GALNT13: variants seen among roughly 807,000 people sequenced by gnomAD.
GALNT13 encodes UDP-GalNAc:polypeptide N-acetylgalactosaminyltransferase 13.
A neutral mutation model predicts 64.2 loss-of-function variants in GALNT13; 28 were observed. That is an observed-to-expected ratio of 0.44 (90% CI 0.32 to 0.60). The LOEUF is 0.60. Ranked by LOEUF, GALNT13 falls within the 20% of genes least tolerant of loss-of-function variation. The pLI, the probability that GALNT13 is intolerant of heterozygous loss-of-function variation, is 0.05. For synonymous variants in GALNT13, 214 were observed against 224.6 expected (o/e 0.95, Z 0.42); for missense variants, 577 against 669.8 (o/e 0.86, Z 1.53).
chr2:153,557,613 C>T, the GALNT13 span, among the ~76,000 whole-genome samples: 3 of 152,172 alleles, frequency 2.0e-5, no homozygotes, highest in African/African-American at 7.2e-5. Flanking sequence ...ATCTATTCAG[C>T]CTTCCCTACA....
chr2:153,266,816 C>A, the GALNT13 span, among the ~76,000 whole-genome samples: 7 of 152,316 alleles, frequency 4.6e-5, no homozygotes, highest in Admixed American at 4.6e-4. Context: ...AATCTCACAT[C>A]ATTTTTATGT....
At chr2:153,968,039 C>G (rs1248389301) in intron 3 of GALNT13, among the ~76,000 whole-genome samples, 1 of 152,048 alleles carries the variant, frequency 6.6e-6, no homozygotes. Flanking sequence ...GCTGCACAGC[C>G]TACTCTTAGG....
the GALNT13 span, among the ~76,000 whole-genome samples, chr2:153,445,013 CA>C: frequency 1.3e-5 from 2 of 152,068 alleles, no homozygotes; most frequent in East Asian, 3.9e-4. Flanking sequence ...TTTACATTTC[CA>C]CCAGAAGTGA....
At chr2:153,224,920 ATCCATATTATTT>A in the GALNT13 span, among the ~76,000 whole-genome samples, 1 of 152,246 alleles carries the variant, frequency 6.6e-6, no homozygotes, top group African/African-American at 2.4e-5. Flanking sequence ...AACATCAGTG[ATCCATATTATTT>A]TCCAGTAAGT....
chr2:154,182,036 C>A, intron 4 of GALNT13, among the ~76,000 whole-genome samples: 1 of 152,014 alleles, frequency 6.6e-6, no homozygotes, highest in East Asian at 1.9e-4. Flanking sequence ...TTAGGGAATT[C>A]TTACCGAATA....
intron 7 of GALNT13, among the ~76,000 whole-genome samples, chr2:154,253,438 A>G (rs930130636): frequency 6.6e-6 from 1 of 152,174 alleles, no homozygotes; most frequent in African/African-American, 2.4e-5. Flanking sequence ...TCCATGTCAA[A>G]TGCATACTTT....
chr2:153,754,379 A>G, the GALNT13 span, among the ~76,000 whole-genome samples: 1 of 152,132 alleles, frequency 6.6e-6, no homozygotes, highest in Non-Finnish European at 1.5e-5. Flanking sequence ...TTCAGAGCCC[A>G]AGGGCTCTTC....
chr2:154,372,524 ACAAT>A (rs1010949336), intron 9 of GALNT13, among the ~76,000 whole-genome samples: 3 of 152,248 alleles, frequency 2.0e-5, no homozygotes, highest in African/African-American at 4.8e-5. Context: ...ATAAAATTTA[ACAAT>A]CAACGACAGG....
intron 3 of GALNT13, among the ~76,000 whole-genome samples, chr2:153,976,262 C>T (rs901064840): frequency 2.0e-5 from 3 of 151,942 alleles, no homozygotes; most frequent in African/African-American, 7.3e-5. Flanking sequence ...AATAATCAAT[C>T]AATTAATTAA....
chr2:153,194,978 T>C, the GALNT13 span, among the ~76,000 whole-genome samples: 1 of 152,096 alleles, frequency 6.6e-6, no homozygotes, highest in Non-Finnish European at 1.5e-5. Flanking sequence ...GCAGTCTGAG[T>C]GTCTTTATAT....
chr2:153,280,111 T>C, the GALNT13 span, among the ~76,000 whole-genome samples: 1 of 152,222 alleles, frequency 6.6e-6, no homozygotes, highest in East Asian at 1.9e-4. Flanking sequence ...TGTGTGTTTC[T>C]AGGAATGTAT....
the GALNT13 span, among the ~76,000 whole-genome samples, chr2:153,734,066 T>G: frequency 1.3e-5 from 2 of 152,230 alleles, no homozygotes; most frequent in African/African-American, 4.8e-5. Flanking sequence ...ATTGGTGAAA[T>G]CATCATGTCA....
chr2:153,901,862 A>G (rs1020548410), intron 2 of GALNT13, among the ~76,000 whole-genome samples: 1 of 152,114 alleles, frequency 6.6e-6, no homozygotes, highest in Non-Finnish European at 1.5e-5. Context: ...TTACTCTTCT[A>G]TTATACTTTT....
At chr2:153,380,579 G>T in the GALNT13 span, among the ~76,000 whole-genome samples, 6 of 151,910 alleles carry the variant, frequency 3.9e-5, no homozygotes, top group Non-Finnish European at 8.8e-5. Flanking sequence ...TGGTAAGGGG[G>T]TGGGGGGTCC....
the GALNT13 span, among the ~76,000 whole-genome samples, chr2:153,450,577 A>ATAT: frequency 4.8e-5 from 7 of 147,024 alleles, no homozygotes; most frequent in African/African-American, 1.8e-4. Context: ...CTAGGTTTGA[A>ATAT]TTTTTTTTTT....
chr2:153,948,486 A>G (rs1691933683), intron 3 of GALNT13, among the ~76,000 whole-genome samples: 1 of 152,106 alleles, frequency 6.6e-6, no homozygotes, highest in African/African-American at 2.4e-5. Flanking sequence ...ATACTATTCA[A>G]CCCAGCAATC....
At chr2:153,741,227 A>G in the GALNT13 span, among the ~76,000 whole-genome samples, 3 of 152,008 alleles carry the variant, frequency 2.0e-5, no homozygotes, top group African/African-American at 7.2e-5. Flanking sequence ...TTATTTATAA[A>G]TACTATCTGT....
At chr2:153,254,761 C>G in the GALNT13 span, among the ~76,000 whole-genome samples, 1 of 152,094 alleles carries the variant, frequency 6.6e-6, no homozygotes, top group Non-Finnish European at 1.5e-5. Context: ...TGTTCAGTTT[C>G]CATGTAGTTG....
At chr2:153,843,934 C>G in the GALNT13 span, among the ~76,000 whole-genome samples, 2 of 152,220 alleles carry the variant, frequency 1.3e-5, no homozygotes, top group Non-Finnish European at 2.9e-5. Flanking sequence ...AGGCCTTGGG[C>G]AGCTGTGCCC....
Sources: allele counts gnomAD v4.1 joint callset (sites outside exome capture counted in the v4.1 genomes callset), GRCh38; gene constraint gnomAD v4.1.1; transcripts MANE v1.5; gene names NCBI Gene and HGNC (gene_info 2026-07-23, HGNC 2026-07-21).